The following ERBB4 variants were observed in gnomAD, a reference collection of about 807,000 sequenced individuals.
ERBB4 encodes erb-b2 receptor tyrosine kinase 4.
A neutral mutation model predicts 158.0 loss-of-function variants in ERBB4; 42 were observed. The ratio of observed to expected loss-of-function variants is 0.27; its 90% CI spans 0.21 to 0.34. The LOEUF (loss-of-function observed/expected upper bound fraction) is 0.34, where lower values mean the gene tolerates loss of function less well. Among genes scored for constraint, ERBB4 ranks in the 10% least tolerant of loss-of-function variants. ERBB4 has a pLI of 1.00. For missense variants in ERBB4, 1,333 were observed against 1,624.1 expected, an observed-to-expected ratio of 0.82 and a Z score of 3.08; for synonymous variants, 583 against 558.7, an observed-to-expected ratio of 1.04 and a Z score of -0.61.
chr2:212,290,651 T>C (rs186545999), intron 1 of ERBB4, among the ~76,000 whole-genome samples: 2 of 151,836 alleles, frequency 1.3e-5, no homozygotes, highest in East Asian at 3.9e-4. Flanking sequence ...CATACTATAC[T>C]ATATTTCTTT....
At chr2:212,469,256 T>C (rs1184434330) in intron 1 of ERBB4, among the ~76,000 whole-genome samples, 1 of 152,212 alleles carries the variant, frequency 6.6e-6, no homozygotes, top group Non-Finnish European at 1.5e-5. Flanking sequence ...ATCTTTTAAA[T>C]GTTTAGGGCC....
At chr2:211,653,833 C>T (rs2071105356) in intron 16 of ERBB4, among the ~76,000 whole-genome samples, 1 of 151,912 alleles carries the variant, frequency 6.6e-6, no homozygotes, top group Non-Finnish European at 1.5e-5. Context: ...TTCCACCACG[C>T]CCGGCTAATT....
rs114895315 is a variant in ERBB4 at position 212,299,737 on chromosome 2, G to A, written c.83-174834C>T. On this transcript the variant is annotated intron_variant, in intron 1 of 27. Coordinates refer to ENST00000342788, the MANE Select transcript of ERBB4 (RefSeq NM_005235.3). ...GGAAACAGATTTCAAGCACTAATGAGCAGCGATAGCCAACCAAACAGCAGT... is the reference window on the plus strand; with the variant it reads ...GGAAACAGATTTCAAGCACTAATGAACAGCGATAGCCAACCAAACAGCAGT... Among the ~76,000 whole-genome samples the A allele has an allele frequency of 1.6e-3, 244 of 151,684 alleles. 3 individuals carry two copies. Among genetic ancestry groups the A allele is most frequent in the African/African-American group, 5.6e-3 (234 of 41,510 alleles).
intron 3 of ERBB4, among the ~76,000 whole-genome samples, chr2:211,937,288 C>T (rs1037575041): frequency 1.2e-4 from 18 of 151,812 alleles, no homozygotes; most frequent in East Asian, 9.6e-4. Context: ...AAGGGTTTTT[C>T]GTGTTACCTT....
intron 5 of ERBB4, among the ~76,000 whole-genome samples, chr2:211,729,289 G>A (rs75803762): frequency 0.012 from 1,839 of 151,778 alleles, 27 homozygotes; most frequent in African/African-American, 0.042. Context: ...TTAAAAGGGA[G>A]TTATGGCTTT....
At chr2:211,835,281 T>C (rs114292350) in intron 3 of ERBB4, among the ~76,000 whole-genome samples, 1,599 of 149,428 alleles carry the variant, frequency 0.011, 24 homozygotes, top group African/African-American at 0.037. Flanking sequence ...ATAATCCAGA[T>C]GAATATTTAG....
chr2:211,834,056 T>C (rs1401568867), intron 3 of ERBB4, among the ~76,000 whole-genome samples: 2 of 152,098 alleles, frequency 1.3e-5, no homozygotes, highest in Non-Finnish European at 2.9e-5. Context: ...AAACTGACAA[T>C]ATGTCATCCT....
At chr2:212,010,376 T>A (rs1332838940) in intron 2 of ERBB4, among the ~76,000 whole-genome samples, 1 of 152,154 alleles carries the variant, frequency 6.6e-6, no homozygotes, top group Non-Finnish European at 1.5e-5. Context: ...TATTATTATT[T>A]TATTTGTTTA....
At chr2:212,307,532 C>T (rs2086855009) in intron 1 of ERBB4, among the ~76,000 whole-genome samples, 2 of 151,006 alleles carry the variant, frequency 1.3e-5, no homozygotes, top group Non-Finnish European at 3.0e-5. Context: ...TATTAGATTG[C>T]TGTTCTGAAA....
At chr2:211,880,490 A>C (rs566714458) in intron 3 of ERBB4, among the ~76,000 whole-genome samples, 2 of 152,246 alleles carry the variant, frequency 1.3e-5, no homozygotes, top group East Asian at 3.9e-4. Context: ...TGTTTACTTG[A>C]CTATACATAA....
intron 1 of ERBB4, among the ~76,000 whole-genome samples, chr2:212,127,739 T>C (rs1416248130): frequency 1.3e-5 from 2 of 151,848 alleles, no homozygotes; most frequent in Non-Finnish European, 2.9e-5. Context: ...AAGAGGAAAA[T>C]ACCACGTGCA....
chr2:211,618,168 T>C (rs2125845182), intron 19 of ERBB4, among the ~76,000 whole-genome samples: 1 of 152,080 alleles, frequency 6.6e-6, no homozygotes, highest in South Asian at 2.1e-4. Flanking sequence ...TTGACTCAGG[T>C]AGGTTCTTAA....
intron 1 of ERBB4, among the ~76,000 whole-genome samples, chr2:212,464,991 G>A (rs1281558649): frequency 6.6e-6 from 1 of 151,298 alleles, no homozygotes; most frequent in African/African-American, 2.4e-5. Context: ...ATAATACAAC[G>A]ATAGTAAAAC....
chr2:211,522,143 A>G (rs2371283), intron 20 of ERBB4, among the ~76,000 whole-genome samples: 18,021 of 152,172 alleles, frequency 0.12, 1,801 homozygotes, highest in African/African-American at 0.27. Context: ...ATTGATCTGG[A>G]CAAAGTAAAT....
intron 1 of ERBB4, among the ~76,000 whole-genome samples, chr2:212,457,216 G>T (rs975799452): frequency 6.6e-6 from 1 of 151,844 alleles, no homozygotes; most frequent in African/African-American, 2.4e-5. Flanking sequence ...ATATGTTTTT[G>T]CTCTAAATAT....
intron 1 of ERBB4, among the ~76,000 whole-genome samples, chr2:212,330,172 G>T (rs2088065007): frequency 6.6e-6 from 1 of 152,090 alleles, no homozygotes; most frequent in African/African-American, 2.4e-5. Context: ...CTTAGGGCTT[G>T]CTGGATACTA....
intron 2 of ERBB4, among the ~76,000 whole-genome samples, chr2:211,991,870 T>C (rs527773811): frequency 6.6e-6 from 1 of 152,248 alleles, no homozygotes; most frequent in South Asian, 2.1e-4. Flanking sequence ...TCAGTAGAAG[T>C]ACAATGGGGT....
chr2:212,199,196 G>A (rs924262684), intron 1 of ERBB4, among the ~76,000 whole-genome samples: 1 of 151,896 alleles, frequency 6.6e-6, no homozygotes, highest in Non-Finnish European at 1.5e-5. Context: ...CATTGTACAG[G>A]GACCCCAAAC....
intron 2 of ERBB4, among the ~76,000 whole-genome samples, chr2:212,010,985 A>G (rs1391192537): frequency 6.6e-6 from 1 of 152,208 alleles, no homozygotes; most frequent in Non-Finnish European, 1.5e-5. Context: ...GCAGGCAGTC[A>G]GACCTTATGG....
Sources: gnomAD v4.1 joint callset for allele counts (sites outside exome capture counted in the v4.1 genomes callset) on GRCh38, gnomAD v4.1.1 for gene constraint, MANE v1.5 for transcripts, NCBI Gene and HGNC (gene_info 2026-07-23, HGNC 2026-07-21) for gene names.